The following CSNK2B variants were observed in gnomAD, a reference collection of about 807,000 sequenced individuals.
CSNK2B encodes the protein casein kinase 2 beta, also known as casein kinase II subunit beta.
Under a neutral mutation model 28.8 loss-of-function variants are expected in CSNK2B, and 2 were observed. The observed-to-expected ratio is 0.07, with a 90% CI of 0.03 to 0.22. CSNK2B has a LOEUF of 0.22. Ranked by LOEUF, CSNK2B falls within the 10% of genes least tolerant of loss-of-function variation. The pLI is 1.00. For missense variants in CSNK2B, 107 were observed against 277.9 expected, an observed-to-expected ratio of 0.39 and a Z score of 4.37; for synonymous variants, 89 against 96.1, an observed-to-expected ratio of 0.93 and a Z score of 0.43.
chr6:31,668,735 C>A, intron 4 of CSNK2B, 81 bp downstream of exon 4: 2 of 1,321,486 alleles, frequency 1.5e-6, no homozygotes, highest in South Asian at 1.2e-5. Flanking sequence ...ATGTTTAAGC[C>A]CTGTTTAAGG....
chr6:31,667,045 G>A (rs778531519), intron 2 of CSNK2B, 142 bp downstream of exon 2: 28 of 778,882 alleles, frequency 3.6e-5, no homozygotes, highest in Non-Finnish European at 6.2e-5. Flanking sequence ...TATAAACCCC[G>A]ACGAACCTGT....
In CSNK2B at chr6:31,669,419, C is replaced by A. The variant is rs767467400; in HGVS notation, c.468C>A (p.Gly156=). Residue 156 remains glycine (G), a synonymous_variant, in exon 6 of 7, where the codon GGC becomes GGA. Coordinates refer to ENST00000375882, the MANE Select transcript of CSNK2B (RefSeq NM_001320.7). The surrounding 1 kb of genome is among the most constrained non-coding windows in gnomAD (Gnocchi z 4.8). ...CATCAAGACACCATCACACGGATGG[C>A]GCCTACTTCGGCACTGGTTTCCCTC... ...PKSSRHHHTD[G]AYFGTGFPHM... is the part of the protein sequence containing the mutation. 6.2e-7 allele frequency: 1 copy of A among 1,614,116 alleles called. No homozygotes were observed. The highest frequency in any genetic ancestry group is 8.5e-7 in the Non-Finnish European group (1 of 1,180,044).
At chr6:31,667,812 A>C in intron 2 of CSNK2B, 56 bp from the exon 3 acceptor site, 1 of 1,026,344 alleles carries the variant, frequency 9.7e-7, no homozygotes, top group Non-Finnish European at 1.4e-6. Context: ...CATTTTGCCC[A>C]GGTCAAAGAT....
In CSNK2B at chr6:31,668,611, T is replaced by A; in HGVS notation, c.248T>A (p.Ile83Asn). 6.2e-7 allele frequency: 1 copy of A among 1,613,090 alleles called. No homozygotes were observed. Among genetic ancestry groups the A allele is most frequent in the Non-Finnish European group, 8.5e-7 (1 of 1,180,020 alleles). The change falls in exon 4 of 7, where the codon ATC becomes AAC. Residue 83 changes from isoleucine to asparagine, a missense_variant. Ile to Asn is a moderately radical substitution (Grantham distance 149, BLOSUM62 -3). Coordinates refer to ENST00000375882, the MANE Select transcript of CSNK2B (RefSeq NM_001320.7). ...EQAAEMLYGL[I>N]HARYILTNRG... ...GCAGCCGAGATGCTTTATGGATTGA[T>A]CCACGCCCGCTACATCCTTACCAAC...
Position 31,669,914 on chromosome 6 carries a change from G to A in CSNK2B, c.636G>A (p.Lys212=). 2 of 1,612,754 alleles carry A rather than the reference G, an allele frequency of 1.2e-6. No homozygotes were observed. The highest frequency in any genetic ancestry group is 1.1e-5 in the South Asian group (1 of 91,044). The change falls in exon 7 of 7, where the codon AAG becomes AAA. Residue 212 remains lysine (K), a synonymous_variant. Coordinates refer to ENST00000375882, the MANE Select transcript of CSNK2B (RefSeq NM_001320.7). The surrounding 1 kb of genome is among the most constrained non-coding windows in gnomAD (Gnocchi z 4.8). The stretch of plus-strand genomic sequence containing the variant: ...CCAGCAACTTCAAGAGCCCAGTCAA[G>A]ACGATTCGCTGATTCCCTCCCCCAC... ...QAASNFKSPV[K]TIR is the part of the protein sequence containing the mutation.
At chr6:31,667,611 G>A (rs1189597694) in intron 2 of CSNK2B, among the ~76,000 whole-genome samples, 1 of 152,194 alleles carries the variant, frequency 6.6e-6, no homozygotes, top group Non-Finnish European at 1.5e-5. Context: ...GTGGAGTAGG[G>A]ACAAAGATCT....
At chr6:31,667,033 C>A (rs767504761) in intron 2 of CSNK2B, 130 bp downstream of exon 2, 30 of 821,948 alleles carry the variant, frequency 3.6e-5, no homozygotes, top group Non-Finnish European at 5.7e-5. Flanking sequence ...AAGAGTCCCC[C>A]CTATAAACCC....
In CSNK2B at chr6:31,666,920, C is replaced by T. The variant is rs191941960; in HGVS notation, c.72+17C>T. On this transcript the variant is annotated intron_variant, in intron 2 of 6. Transcript: ENST00000375882. ...TTCTGTGAAGTGAGTTCTCTTCAAC[C>T]TCCCTACTTGCCAGCTTCACATATC... 6 of 1,598,774 alleles carry T rather than the reference C, an allele frequency of 3.8e-6. 1 individual carries two copies. The highest frequency in any genetic ancestry group is 2.2e-5 in the East Asian group (1 of 44,828).
chr6:31,667,406 A>G, intron 2 of CSNK2B: 1 of 355,208 alleles, frequency 2.8e-6, no homozygotes, highest in South Asian at 2.2e-5. Context: ...TGCTGGGATT[A>G]CAGGCGTGAG....
chr6:31,666,247 C>A, intron 1 of CSNK2B, 39 bp downstream of exon 1: 1 of 957,300 alleles, frequency 1.0e-6, no homozygotes, highest in Non-Finnish European at 1.2e-6. Flanking sequence ...TCCCTTGTCG[C>A]TGGGAGCGGC....
At chr6:31,668,201 T>G (rs1387064778) in intron 3 of CSNK2B, 1 of 616,770 alleles carries the variant, frequency 1.6e-6, no homozygotes, top group Admixed American at 2.8e-5. Context: ...ATGCGTTTCC[T>G]CATGGGTCTG....
rs1801674333 is a variant in CSNK2B, at chr6:31,666,180, C to CTA, written c.-40_-39insTA. The CTA allele has an allele frequency of 5.0e-6, 5 of 992,740 alleles. No homozygotes were observed. In the South Asian group the frequency reaches 1.7e-4, roughly 34 times the overall value. 61.5% of individuals were successfully genotyped at this position (992,740 alleles called of 1,614,324 possible). On this transcript the variant is annotated 5_prime_UTR_variant, in exon 1 of 7. Transcript: ENST00000375882. ...CCCTGGAAGTAGCAACTTCCCTACC[C>CTA]CACCCCAGTCCTGGTCCCCGTCCAG...
chr6:31,669,574 C>A lies in CSNK2B; in HGVS notation c.557+66C>A. 1 of 1,523,466 alleles carries A rather than the reference C, an allele frequency of 6.6e-7. No homozygotes were observed. The highest frequency in any genetic ancestry group is 8.9e-7 in the Non-Finnish European group (1 of 1,127,518). 94.4% of individuals were successfully genotyped at this position (1,523,466 alleles called of 1,614,324 possible). A position where few individuals can be genotyped will look rare whatever the true frequency, so the allele number is the denominator to read the frequency against. On this transcript the variant is annotated intron_variant, in intron 6 of 6. Transcript: ENST00000375882. This position sits in a 1 kb window ranked among gnomAD's most constrained non-coding sequence, Gnocchi z 4.8. The stretch of plus-strand genomic sequence containing the variant: ...CCAAGATCCCCCAGAGAGGGGAGGA[C>A]AGGGCATGGCCCTTTCTTGAGGTCT...
intron 3 of CSNK2B, 93 bp from the exon 4 acceptor site, chr6:31,668,446 G>T: frequency 8.9e-7 from 1 of 1,120,112 alleles, no homozygotes; most frequent in South Asian, 1.4e-5. Flanking sequence ...GTAGGTGCTA[G>T]GCAAACTGAA....
intron 2 of CSNK2B, chr6:31,667,424 G>T (rs756169211): frequency 5.0e-5 from 17 of 339,022 alleles, no homozygotes; most frequent in Non-Finnish European, 7.5e-5. Context: ...GAGCCATTGC[G>T]CCCGGCCTGT....
Position 31,666,509 on chromosome 6 carries a change from C to T in CSNK2B, c.-12+301C>T, listed in dbSNP as rs749539922. 2 of 436,872 alleles carry T rather than the reference C, an allele frequency of 4.6e-6. 1 individual carries two copies. Among genetic ancestry groups the T allele is most frequent in the Middle Eastern group, 1.2e-3 (2 of 1,626 alleles). The allele number at this position is 436,872 out of a possible 1,614,324, so 27.1% of individuals were successfully genotyped here. ...ATTGGTAGGGAGCCTGAGTCGAGGT[C>T]CCTGCCGGAGTTGACACAGAGGAGA... On this transcript the variant is annotated intron_variant, in intron 1 of 6. Coordinates refer to ENST00000375882, the MANE Select transcript of CSNK2B (RefSeq NM_001320.7).
intron 3 of CSNK2B, 139 bp from the exon 4 acceptor site, chr6:31,668,400 C>T (rs148414882): frequency 3.0e-6 from 2 of 675,604 alleles, no homozygotes; most frequent in African/African-American, 3.6e-5. Context: ...GTTTCTGGGT[C>T]CCATGCCCAG....
In CSNK2B at chr6:31,670,060, A is replaced by C. The variant is rs1802081598; in HGVS notation, c.*134A>C. On this transcript the variant is annotated 3_prime_UTR_variant, in exon 7 of 7. Transcript: ENST00000375882. ...TGGGAATATGAAATAAAGTAGAAGA[A>C]AAGGCCATGAGCTAGTCTGCTGGTG... 1 of 760,892 alleles carries C rather than the reference A, an allele frequency of 1.3e-6. No individual in the cohort carries two copies. The highest frequency in any genetic ancestry group is 2.0e-6 in the Non-Finnish European group (1 of 487,988). 47.1% of individuals were successfully genotyped at this position (760,892 alleles called of 1,614,324 possible). A position where few individuals can be genotyped will look rare whatever the true frequency, so the allele number is the denominator to read the frequency against.
intron 1 of CSNK2B, 38 bp downstream of exon 1, chr6:31,666,246 G>C (rs1583596745): frequency 1.1e-6 from 1 of 951,138 alleles, no homozygotes; most frequent in South Asian, 4.6e-5. Flanking sequence ...GTCCCTTGTC[G>C]CTGGGAGCGG....
Sources: gnomAD v4.1 joint callset for allele counts (sites outside exome capture counted in the v4.1 genomes callset) on GRCh38, gnomAD v4.1.1 for gene constraint, Gnocchi (gnomAD v3.1) non-coding constraint, MANE v1.5 for transcripts, NCBI Gene and HGNC (gene_info 2026-07-23, HGNC 2026-07-21) for gene names.